The following PLA2G2A variants were observed in gnomAD, a reference collection of about 807,000 sequenced individuals.
PLA2G2A encodes the protein phospholipase A2 group IIA, also known as phospholipase A2, membrane associated.
In PLA2G2A, 6 loss-of-function variants were observed where a neutral mutation model predicts 11.2. That is an observed-to-expected ratio of 0.54 (90% CI 0.29 to 1.06). PLA2G2A has a LOEUF of 1.06. Ranked by LOEUF, PLA2G2A falls within the 50% of genes least tolerant of loss-of-function variation. PLA2G2A has a pLI of 0.08. For synonymous variants in PLA2G2A, 69 were observed against 65.8 expected, an observed-to-expected ratio of 1.05 and a Z score of -0.23; for missense variants, 133 against 177.1, an observed-to-expected ratio of 0.75 and a Z score of 1.41.
chr1:19,978,418 G>A (rs376385347), exon 3 of PLA2G2A: 14 of 1,613,308 alleles, frequency 8.7e-6, no homozygotes, highest in African/African-American at 4.0e-5. Context: ...TGCCACCCAC[G>A]CCACAGTGGC....
chr1:19,975,790 T>TG lies in PLA2G2A; in HGVS notation c.345dup (p.Thr116HisfsTer5). On this transcript the variant is annotated frameshift_variant, in exon 5 of 5. Transcript: ENST00000482011. LOFTEE classifies it low-confidence loss of function (END_TRUNC). ...GTCGTCTTGTTTCTAGCAAAACAGG[T>TG]GGCAGCAGCCTTATCACACTCACAC... 6.2e-7 allele frequency: 1 copy of TG among 1,613,758 alleles called. No homozygotes were observed. Among genetic ancestry groups the TG allele is most frequent in the Non-Finnish European group, 8.5e-7 (1 of 1,179,624 alleles).
downstream of PLA2G2A, chr1:19,975,564 A>G: frequency 1.3e-6 from 1 of 795,638 alleles, no homozygotes; most frequent in South Asian, 1.5e-5. Context: ...GGGTGGGTAT[A>G]GAAGGGCTCC....
chr1:19,978,439 G>T, exon 3 of PLA2G2A: 1 of 1,613,876 alleles, frequency 6.2e-7, no homozygotes. Context: ...AGCCGTAGAA[G>T]CCATAACTGA....
chr1:19,975,517 C>A, downstream of PLA2G2A: 2 of 643,132 alleles, frequency 3.1e-6, no homozygotes, highest in Admixed American at 5.0e-5. Context: ...TGGAGGAGAG[C>A]AGTAGAAGGC....
rs2046244485 is a variant in PLA2G2A at position 19,977,997 on chromosome 1, G to A, written c.292+18C>T. The A allele has an allele frequency of 7.0e-7, 1 of 1,438,238 alleles. No individual in the cohort carries two copies. The highest frequency in any genetic ancestry group is 9.8e-7 in the Non-Finnish European group (1 of 1,019,352). 89.1% of individuals were successfully genotyped at this position (1,438,238 alleles called of 1,614,324 possible). A position where few individuals can be genotyped will look rare whatever the true frequency, so the allele number is the denominator to read the frequency against. ...CTAAACAAATGAGGGCCACTCGATGGTGAGGTAGGACTCTTACCACAGGTG... is the reference window on the plus strand; with the variant it reads ...CTAAACAAATGAGGGCCACTCGATGATGAGGTAGGACTCTTACCACAGGTG... On this transcript the variant is annotated intron_variant, in intron 4 of 4. Coordinates refer to ENST00000482011, the Ensembl canonical transcript of PLA2G2A.
chr1:19,977,887 T>G, intron 4 of PLA2G2A, 128 bp downstream of exon 4: 1 of 731,254 alleles, frequency 1.4e-6, no homozygotes, highest in East Asian at 2.6e-5. Context: ...CTTTCCTGGC[T>G]TCCCACTCAA....
chr1:19,978,013 A>ACC lies in PLA2G2A; in HGVS notation c.292_292+1dup. On this transcript the variant is annotated splice_donor_variant, in intron 4 of 4. Coordinates refer to ENST00000482011, the Ensembl canonical transcript of PLA2G2A. LOFTEE classifies it high-confidence loss of function. The stretch of plus-strand genomic sequence containing the variant: ...CACTCGATGGTGAGGTAGGACTCTT[A>ACC]CCACAGGTGATTCTGCTCCCCGAGT... 6.3e-7 allele frequency: 1 copy of ACC among 1,576,384 alleles called. No individual in the cohort carries two copies. Among genetic ancestry groups the ACC allele is most frequent in the East Asian group, 2.2e-5 (1 of 44,716 alleles).
chr1:19,978,973 G>GCACTCACACACA, intron 1 of PLA2G2A, 94 bp from the exon 2 acceptor site: 9 of 571,968 alleles, frequency 1.6e-5, no homozygotes, highest in East Asian at 9.4e-5. Context: ...CTCCAGCAAT[G>GCACTCACACACA]CACACACACA....
exon 2 of PLA2G2A, chr1:19,978,778 A>G: frequency 6.2e-7 from 1 of 1,614,114 alleles, no homozygotes; most frequent in Non-Finnish European, 8.5e-7. Flanking sequence ...CTTCATGGTA[A>G]GAGTTCTTGG....
Position 19,978,655 on chromosome 1 carries a change from G to A in PLA2G2A, c.40+79C>T, listed in dbSNP as rs2046259594. ...CCCCCTGAGAGAGGATCACTGCAAT[G>A]GGAGAGAAAACTAAGGGACAAGAGT... On this transcript the variant is annotated intron_variant, in intron 2 of 4. Coordinates refer to ENST00000482011, the Ensembl canonical transcript of PLA2G2A. 3.1e-6 allele frequency: 5 copies of A among 1,595,822 alleles called. No individual in the cohort carries two copies. The Admixed American group carries it at 8.4e-5, about 27-fold the overall frequency.
At chr1:19,979,168 C>T (rs2046268151) in intron 1 of PLA2G2A, 1 of 282,792 alleles carries the variant, frequency 3.5e-6, no homozygotes, top group Non-Finnish European at 6.9e-6. Context: ...CTGGGAGGTT[C>T]CTGAGGTCAG....
At chr1:19,977,328 G>GTCC in intron 4 of PLA2G2A, among the ~76,000 whole-genome samples, 1 of 152,130 alleles carries the variant, frequency 6.6e-6, no homozygotes, top group East Asian at 1.9e-4. Flanking sequence ...TCAGTCACCA[G>GTCC]TTCAGCTGAT....
chr1:19,978,106 A>G (rs1431201961), exon 4 of PLA2G2A: 1 of 1,613,044 alleles, frequency 6.2e-7, no homozygotes, highest in African/African-American at 1.3e-5. Flanking sequence ...AGCAACAGTC[A>G]TGAGTGACAC....
exon 2 of PLA2G2A, chr1:19,978,780 A>T: frequency 6.2e-7 from 1 of 1,614,090 alleles, no homozygotes; most frequent in Non-Finnish European, 8.5e-7. Context: ...TCATGGTAAG[A>T]GTTCTTGGGT....
chr1:19,975,565 G>T, downstream of PLA2G2A: 1 of 802,706 alleles, frequency 1.2e-6, no homozygotes. Context: ...GGTGGGTATA[G>T]AAGGGCTCCT....
intron 1 of PLA2G2A, 93 bp from the exon 2 acceptor site, chr1:19,978,972 TGC>T: frequency 2.3e-6 from 1 of 439,318 alleles, no homozygotes. Context: ...CCTCCAGCAA[TGC>T]ACACACACAC....
At chr1:19,978,416 A>G (rs748673303) in exon 3 of PLA2G2A, 1 of 1,613,418 alleles carries the variant, frequency 6.2e-7, no homozygotes, top group South Asian at 1.1e-5. Flanking sequence ...TCTGCCACCC[A>G]CGCCACAGTG....
At chr1:19,979,441 C>T in intron 1 of PLA2G2A, 139 bp downstream of exon 1, 1 of 158,218 alleles carries the variant, frequency 6.3e-6, no homozygotes, top group Non-Finnish European at 1.4e-5. Context: ...CTCACATACT[C>T]ACTCAACACA....
At chr1:19,975,558 G>A, downstream of PLA2G2A, 1 of 734,442 alleles carries the variant, frequency 1.4e-6, no homozygotes, top group Non-Finnish European at 2.5e-6. Context: ...CATTCTGGGT[G>A]GGTATAGAAG....
Sources: gnomAD v4.1 joint callset for allele counts (sites outside exome capture counted in the v4.1 genomes callset) on GRCh38, gnomAD v4.1.1 for gene constraint, MANE v1.5 for transcripts, NCBI Gene and HGNC (gene_info 2026-07-23, HGNC 2026-07-21) for gene names.